NELL1: variants seen among roughly 807,000 people sequenced by gnomAD.
NELL1 encodes neural EGFL like 1.
NELL1 carries 76 observed loss-of-function variants against 107.4 expected under a neutral mutation model. The observed-to-expected ratio is 0.71, with a 90% CI of 0.59 to 0.86. The LOEUF (loss-of-function observed/expected upper bound fraction) is 0.86. NELL1 is among the 40% of genes least tolerant of loss of function. NELL1 has a pLI of 0.00. For missense variants in NELL1, 1,024 were observed against 1,005.5 expected (o/e 1.02, Z -0.25); for synonymous variants, 353 against 341.2 (o/e 1.03, Z -0.38).
intron 15 of NELL1, among the ~76,000 whole-genome samples, chr11:21,424,053 T>C (rs1852759556): frequency 6.6e-6 from 1 of 152,130 alleles, no homozygotes; most frequent in Non-Finnish European, 1.5e-5. Context: ...AACCTAACTT[T>C]ATAACTTCAG....
chr11:20,876,905 T>C lies in NELL1; in HGVS notation c.507-8539T>C, dbSNP rs575536785. Among the ~76,000 whole-genome samples, 38 of 152,326 alleles carry C rather than the reference T, an allele frequency of 2.5e-4. No individual in the cohort carries two copies. In the East Asian group the frequency reaches 7.1e-3, roughly 29 times the overall value. On this transcript the variant is annotated intron_variant, in intron 4 of 19. Coordinates refer to ENST00000357134, the MANE Select transcript of NELL1 (RefSeq NM_006157.5). Reference sequence around the variant, plus strand: ...AACAACCTATGGACTGAATGCTGAATATTTGTTGGTGTCAGAAATAATGCT... The same window carrying C: ...AACAACCTATGGACTGAATGCTGAACATTTGTTGGTGTCAGAAATAATGCT...
chr11:21,140,432 C>A (rs1384373324), intron 13 of NELL1, among the ~76,000 whole-genome samples: 7 of 152,108 alleles, frequency 4.6e-5, no homozygotes, highest in African/African-American at 1.7e-4. Context: ...TGTATTGGAA[C>A]TGTTAGATGC....
At chr11:21,442,942 C>CTTTTTTTTTTTTTTT (rs66501874) in intron 15 of NELL1, among the ~76,000 whole-genome samples, 7 of 57,564 alleles carry the variant, frequency 1.2e-4, no homozygotes, top group Non-Finnish European at 1.6e-4. Flanking sequence ...GCTATCTTTC[C>CTTTTTTTTTTTTTTT]TTTTTTTTTT....
chr11:20,848,411 T>C (rs938260906), intron 4 of NELL1, among the ~76,000 whole-genome samples: 3 of 152,016 alleles, frequency 2.0e-5, no homozygotes, highest in Non-Finnish European at 4.4e-5. Flanking sequence ...TTAATGAAAA[T>C]TGAAGAATGA....
rs532145987 is a variant in NELL1 at position 21,230,684 on chromosome 11, C to T, written c.1549+1230C>T. On this transcript the variant is annotated intron_variant, in intron 14 of 19. Transcript: ENST00000357134. Reference sequence around the variant, plus strand: ...GTAATGAGTGAAAAATAATTTACAACGACTAAGTCACTATATTTATGGATT... The same window carrying T: ...GTAATGAGTGAAAAATAATTTACAATGACTAAGTCACTATATTTATGGATT... 1.2e-4 allele frequency among the ~76,000 whole-genome samples: 19 copies of T among 152,222 alleles called. 1 individual carries two copies. The highest frequency in any genetic ancestry group is 3.4e-3 in the Middle Eastern group (1 of 294).
At chr11:20,741,606 A>C (rs1050126198) in intron 2 of NELL1, among the ~76,000 whole-genome samples, 1 of 152,142 alleles carries the variant, frequency 6.6e-6, no homozygotes, top group African/African-American at 2.4e-5. Flanking sequence ...TAATCCTAAG[A>C]ACTTTTCAGA....
rs187522198 is a variant in NELL1, at chr11:20,941,702, A to G, written c.1071+3843A>G. The stretch of plus-strand genomic sequence containing the variant: ...CTGGGACACACTAGTCAGAATAGCA[A>G]CACTTCTTACCTATCTGATCCTGAT... On this transcript the variant is annotated intron_variant, in intron 10 of 19. Transcript: ENST00000357134. Among the ~76,000 whole-genome samples, 448 of 152,324 alleles carry G rather than the reference A, an allele frequency of 2.9e-3. 2 individuals are homozygous for G. Among genetic ancestry groups the G allele is most frequent in the African/African-American group, 1.0e-2 (415 of 41,570 alleles).
At chr11:21,333,327 T>C (rs1049343500) in intron 14 of NELL1, among the ~76,000 whole-genome samples, 1 of 152,018 alleles carries the variant, frequency 6.6e-6, no homozygotes, top group Admixed American at 6.6e-5. Context: ...TCTTTCTAGG[T>C]TACGGTTAAG....
chr11:21,080,324 A>T (rs1854236056), intron 12 of NELL1, among the ~76,000 whole-genome samples: 1 of 152,102 alleles, frequency 6.6e-6, no homozygotes, highest in African/African-American at 2.4e-5. Context: ...CTGTGTAGAA[A>T]TAATTACTTT....
chr11:21,415,734 CTTAAGAGG>C (rs994347882), intron 15 of NELL1, among the ~76,000 whole-genome samples: 1 of 151,934 alleles, frequency 6.6e-6, no homozygotes, highest in African/African-American at 2.4e-5. Context: ...TTTGCTTAAA[CTTAAGAGG>C]TTAAGCAAAA....
At chr11:21,028,811 G>A (rs1852883383) in intron 12 of NELL1, among the ~76,000 whole-genome samples, 2 of 152,102 alleles carry the variant, frequency 1.3e-5, no homozygotes, top group Admixed American at 6.6e-5. Context: ...TATTTTAAAA[G>A]CAAATTAGCT....
intron 2 of NELL1, among the ~76,000 whole-genome samples, chr11:20,712,306 A>AT (rs34048107): frequency 0.17 from 25,503 of 151,734 alleles, 2,493 homozygotes; most frequent in African/African-American, 0.24. Context: ...AGAAATTATA[A>AT]TTTTTTTTAT....
intron 7 of NELL1, among the ~76,000 whole-genome samples, chr11:20,919,870 C>T (rs577777952): frequency 2.3e-4 from 35 of 152,174 alleles, no homozygotes; most frequent in African/African-American, 7.7e-4. Context: ...TTTTATAATT[C>T]CGCACCTTTT....
At chr11:21,169,589 T>C (rs1481355907) in intron 13 of NELL1, among the ~76,000 whole-genome samples, 1 of 152,060 alleles carries the variant, frequency 6.6e-6, no homozygotes, top group Non-Finnish European at 1.5e-5. Flanking sequence ...TGATGAGCTA[T>C]GCTAATTGGA....
At chr11:20,983,708 A>G (rs1371004873) in intron 12 of NELL1, among the ~76,000 whole-genome samples, 2 of 152,074 alleles carry the variant, frequency 1.3e-5, no homozygotes, top group Non-Finnish European at 2.9e-5. Flanking sequence ...TCTCATCTCA[A>G]CGTTGGTGGT....
rs1012310530 is a variant in NELL1 at position 21,133,662 on chromosome 11, T to G, written c.1426+19948T>G. On this transcript the variant is annotated intron_variant, in intron 13 of 19. Coordinates refer to ENST00000357134, the MANE Select transcript of NELL1 (RefSeq NM_006157.5). ...GATGCAAAAGCACCCAGGTTTGGCC[T>G]CAACTTTGCTCCAAAATCAGAGCAG... is the stretch of plus-strand genomic sequence containing the variant. Among the ~76,000 whole-genome samples the G allele has an allele frequency of 6.4e-5, 9 of 140,110 alleles. No individual in the cohort carries two copies. In the East Asian group the frequency reaches 2.1e-3, roughly 32 times the overall value. The allele number at this position is 140,110 out of a possible 152,430, so 91.9% of individuals were successfully genotyped here. A position where few individuals can be genotyped will look rare whatever the true frequency, so the allele number is the denominator to read the frequency against.
chr11:21,168,605 C>T (rs1565093422), intron 13 of NELL1, among the ~76,000 whole-genome samples: 3 of 151,792 alleles, frequency 2.0e-5, no homozygotes, highest in African/African-American at 7.3e-5. Context: ...CAGTGATACA[C>T]ACAATATCAT....
At chr11:20,959,421 C>T (rs1216805043) in intron 11 of NELL1, among the ~76,000 whole-genome samples, 1 of 152,140 alleles carries the variant, frequency 6.6e-6, no homozygotes, top group East Asian at 1.9e-4. Context: ...ATGGAACCAA[C>T]CCAAATGCCC....
chr11:20,721,439 C>A (rs989493264), intron 2 of NELL1, among the ~76,000 whole-genome samples: 4 of 151,780 alleles, frequency 2.6e-5, no homozygotes. Context: ...CATTTTTCAC[C>A]CCCTGGGATT....
Sources: gnomAD v4.1 joint callset for allele counts (sites outside exome capture counted in the v4.1 genomes callset) on GRCh38, gnomAD v4.1.1 for gene constraint, MANE v1.5 for transcripts, NCBI Gene and HGNC (gene_info 2026-07-23, HGNC 2026-07-21) for gene names.